Variants in ALDH3B1 observed in about 807,000 individuals in gnomAD.
The protein encoded by ALDH3B1 is aldehyde dehydrogenase family 3 member B1.
In ALDH3B1, 37 loss-of-function variants were observed where a neutral mutation model predicts 46.2. The observed-to-expected ratio is 0.80, with a 90% CI of 0.62 to 1.05. The LOEUF (loss-of-function observed/expected upper bound fraction) is 1.05. Ranked by LOEUF, ALDH3B1 falls within the 50% of genes least tolerant of loss-of-function variation. The pLI is 0.00. For missense variants in ALDH3B1, 603 were observed against 665.5 expected (o/e 0.91, Z 1.03); for synonymous variants, 283 against 281.0 (o/e 1.01, Z -0.07).
intron 1 of ALDH3B1, among the ~76,000 whole-genome samples, chr11:68,010,646 C>G (rs1028872420): frequency 3.3e-5 from 5 of 152,210 alleles, no homozygotes; most frequent in African/African-American, 7.2e-5. Context: ...GTTGTCCGAG[C>G]TGGGTTGCCA....
At chr11:68,015,751 C>A in intron 2 of ALDH3B1, 1 of 563,740 alleles carries the variant, frequency 1.8e-6, no homozygotes, top group Non-Finnish European at 3.3e-6. Context: ...CTATCGGAGA[C>A]AATAAAACAG....
chr11:68,024,150 C>T (rs1332358119), intron 8 of ALDH3B1: 1 of 152,164 alleles, frequency 6.6e-6, no homozygotes, highest in Admixed American at 6.5e-5. Flanking sequence ...GTAGAACATC[C>T]CCAGCCTCAG....
rs1447462470 is a variant in ALDH3B1 at position 68,021,668 on chromosome 11, A to G, written c.746A>G (p.Tyr249Cys). 6.2e-7 allele frequency: 1 copy of G among 1,613,796 alleles called. No individual in the cohort carries two copies. Among genetic ancestry groups the G allele is most frequent in the African/African-American group, 1.3e-5 (1 of 74,840 alleles). Residue 249 changes from tyrosine (Y) to cysteine (C), a missense_variant, in exon 7 of 10, where the codon TAC becomes TGC. By Grantham distance (194) the Tyr-to-Cys change is radical. Transcript: ENST00000342456. ...GGCCAGACCTGCGTGGCCCCCGACT[A>G]CGTCCTATGCAGCCCTGAGATGCAG... ...NAGQTCVAPD[Y>C]VLCSPEMQER...
intron 2 of ALDH3B1, chr11:68,017,292 G>A (rs907836877): frequency 6.6e-6 from 1 of 152,330 alleles, no homozygotes; most frequent in Admixed American, 6.5e-5. Flanking sequence ...CAGCCTCAGT[G>A]GCTAGGAGGT....
intron 1 of ALDH3B1, among the ~76,000 whole-genome samples, chr11:68,012,761 AAGGACTTGGCTGCCCATCCCC>A (rs1319476624): frequency 3.3e-5 from 5 of 152,052 alleles, no homozygotes; most frequent in Admixed American, 3.3e-4. Context: ...CCCTTCCCCC[AAGGACTTGGCTGCCCATCCCC>A]AGGGGACTGT....
Position 68,022,761 on chromosome 11 carries a change from G to A in ALDH3B1, c.1116G>A (p.Gln372=). The change falls in exon 8 of 10, where the codon CAG becomes CAA. Residue 372 remains glutamine, a splice_region_variant and synonymous_variant. Coordinates refer to ENST00000342456, the MANE Select transcript of ALDH3B1 (RefSeq NM_000694.4). ...TGTACGCCTTCTCCAACAGCAGCCA[G>A]GTGGGGGTGCGGCCGGGCTGGGCAG... is the stretch of plus-strand genomic sequence containing the variant. ...LALYAFSNSS[Q]VVKRVLTQTS... 1 of 1,613,972 alleles carries A rather than the reference G, an allele frequency of 6.2e-7. No homozygotes were observed. Among genetic ancestry groups the A allele is most frequent in the African/African-American group, 1.3e-5 (1 of 75,066 alleles).
rs1854672698 is a variant in ALDH3B1 at position 68,029,017 on chromosome 11, C to G, written c.*1078C>G. On this transcript the variant is annotated 3_prime_UTR_variant, in exon 10 of 10. Transcript: ENST00000342456. ...CTGCCTGACAACCCTTCTCACCTCC[C>G]AAGTCCCACTTTTGAACAAGCTGAT... 6.6e-6 allele frequency: 1 copy of G among 152,262 alleles called. No individual in the cohort carries two copies. Among genetic ancestry groups the G allele is most frequent in the African/African-American group, 2.4e-5 (1 of 41,446 alleles). The allele number at this position is 152,262 out of a possible 1,614,324, so 9.4% of individuals were successfully genotyped here.
In ALDH3B1 at chr11:68,022,740, C is replaced by T. The variant is rs372960691; in HGVS notation, c.1095C>T (p.Tyr365=). 121 of 1,614,118 alleles carry T rather than the reference C, an allele frequency of 7.5e-5. No homozygotes were observed. The Middle Eastern group carries it at 1.8e-3, about 24-fold the overall frequency. Residue 365 remains tyrosine, a synonymous_variant, in exon 8 of 10, where the codon TAC becomes TAT. Transcript: ENST00000342456. The stretch of plus-strand genomic sequence containing the variant: ...GGCGGGAGAAGCCCCTGGCCCTGTA[C>T]GCCTTCTCCAACAGCAGCCAGGTGG... ...INRREKPLAL[Y]AFSNSSQVVK...
At chr11:68,011,429 C>T (rs528828980) in intron 1 of ALDH3B1, among the ~76,000 whole-genome samples, 1 of 152,332 alleles carries the variant, frequency 6.6e-6, no homozygotes, top group East Asian at 1.9e-4. Flanking sequence ...TGGGCTCTGT[C>T]TGCTTCCTTA....
intron 9 of ALDH3B1, among the ~76,000 whole-genome samples, chr11:68,027,188 C>T (rs753164889): frequency 9.2e-5 from 14 of 152,148 alleles, no homozygotes; most frequent in Non-Finnish European, 1.8e-4. Context: ...CTTGCCCCCA[C>T]CCACTCTCTT....
intron 5 of ALDH3B1, 113 bp downstream of exon 5, chr11:68,019,368 C>A: frequency 2.2e-6 from 2 of 925,254 alleles, no homozygotes; most frequent in Non-Finnish European, 3.4e-6. Context: ...TCAATCCTGC[C>A]TCTTCTGAGT....
At chr11:68,023,160 C>A (rs886189232) in intron 8 of ALDH3B1, among the ~76,000 whole-genome samples, 2 of 152,206 alleles carry the variant, frequency 1.3e-5, no homozygotes, top group Non-Finnish European at 2.9e-5. Flanking sequence ...TGATCCCCTA[C>A]CCCTGCTTAA....
chr11:68,028,464 A>T lies in ALDH3B1; in HGVS notation c.*525A>T, dbSNP rs1042903992. ...GGCCGAGGCAGGCGGATCACCTGAA[A>T]TCAGGAGTTCAAGATCAGCCTGGCT... On this transcript the variant is annotated 3_prime_UTR_variant, in exon 10 of 10. Coordinates refer to ENST00000342456, the MANE Select transcript of ALDH3B1 (RefSeq NM_000694.4). 1 of 239,156 alleles carries T rather than the reference A, an allele frequency of 4.2e-6. No homozygotes were observed. Among genetic ancestry groups the T allele is most frequent in the African/African-American group, 2.3e-5 (1 of 44,384 alleles). The allele number at this position is 239,156 out of a possible 1,614,324, so 14.8% of individuals were successfully genotyped here.
intron 1 of ALDH3B1, among the ~76,000 whole-genome samples, chr11:68,011,660 G>A (rs548440817): frequency 6.6e-4 from 100 of 152,188 alleles, no homozygotes; most frequent in Non-Finnish European, 1.2e-3. Flanking sequence ...TGGCTGCCCT[G>A]ATGGGGGTCC....
Position 68,021,609 on chromosome 11 carries a change from C to G in ALDH3B1, c.687C>G (p.Ala229=). The change falls in exon 7 of 10, where the codon GCC becomes GCG. Residue 229 remains alanine (A), a synonymous_variant. Coordinates refer to ENST00000342456, the MANE Select transcript of ALDH3B1 (RefSeq NM_000694.4). ...ACAACTGCGACCCCCAGACCGTGGC[C>G]AACCGCGTGGCCTGGTTCCGCTACT... ...VDDNCDPQTV[A]NRVAWFRYFN... is the part of the protein sequence containing the mutation. 2 of 1,614,124 alleles carry G rather than the reference C, an allele frequency of 1.2e-6. No homozygotes were observed. The highest frequency in any genetic ancestry group is 1.3e-5 in the African/African-American group (1 of 75,048).
At chr11:68,020,063 G>GC (rs1565136807) in intron 6 of ALDH3B1, among the ~76,000 whole-genome samples, 2 of 152,030 alleles carry the variant, frequency 1.3e-5, no homozygotes, top group African/African-American at 2.4e-5. Context: ...TGACCCTGCT[G>GC]CCCCCCAGGC....
chr11:68,019,114 T>C (rs895058288), intron 4 of ALDH3B1, 56 bp from the exon 5 acceptor site: 12 of 1,557,192 alleles, frequency 7.7e-6, no homozygotes, highest in Non-Finnish European at 1.0e-5. Context: ...TGCAGGTGTG[T>C]GGAGACCAGG....
At chr11:68,019,583 A>G (rs1011551931) in intron 5 of ALDH3B1, 132 bp from the exon 6 acceptor site, 5 of 992,010 alleles carry the variant, frequency 5.0e-6, no homozygotes, top group African/African-American at 1.6e-5. Flanking sequence ...GCCTCCACCC[A>G]ACCCTCCTAG....
At chr11:68,011,801 G>A (rs1211167758) in intron 1 of ALDH3B1, among the ~76,000 whole-genome samples, 1 of 152,142 alleles carries the variant, frequency 6.6e-6, no homozygotes, top group Non-Finnish European at 1.5e-5. Context: ...CCTGCCCCAG[G>A]GGTCTCCTCC....
Sources: gnomAD v4.1 joint callset for allele counts (sites outside exome capture counted in the v4.1 genomes callset) on GRCh38, gnomAD v4.1.1 for gene constraint, MANE v1.5 for transcripts, NCBI Gene and HGNC (gene_info 2026-07-23, HGNC 2026-07-21) for gene names.